PKP1: variants seen among roughly 807,000 people sequenced by gnomAD.
The protein encoded by PKP1 is plakophilin-1.
PKP1 carries 27 observed loss-of-function variants against 76.4 expected under a neutral mutation model. The ratio of observed to expected loss-of-function variants is 0.35; its 90% CI spans 0.26 to 0.49. The LOEUF is 0.49. Ranked by LOEUF, PKP1 falls within the 20% of genes least tolerant of loss-of-function variation. PKP1 has a pLI of 0.99. For synonymous variants in PKP1, 404 were observed against 384.2 expected (o/e 1.05, Z -0.60); for missense variants, 964 against 955.2 (o/e 1.01, Z -0.12).
At chr1:201,327,833 C>T (rs1052871660) in intron 12 of PKP1, among the ~76,000 whole-genome samples, 3 of 152,126 alleles carry the variant, frequency 2.0e-5, no homozygotes, top group African/African-American at 7.2e-5. Flanking sequence ...GTGAGACAGG[C>T]CACATGGCTT....
chr1:201,317,694 G>A lies in PKP1; in HGVS notation c.969G>A (p.Leu323=). ...NLVFRSTTNK[L]ETRRQNGIRE... is the part of the protein sequence containing the mutation. ...TGTTCAGGAGCACCACCAACAAGCT[G>A]GAGACCCGGAGGCAGAATGGGATCC... Residue 323 remains leucine, a synonymous_variant, in exon 5 of 14, where the codon CTG becomes CTA. Coordinates refer to ENST00000367324, the MANE Select transcript of PKP1 (RefSeq NM_001005337.3). 1 of 1,613,978 alleles carries A rather than the reference G, an allele frequency of 6.2e-7. No individual in the cohort carries two copies.
At chr1:201,302,183 T>C (rs1656250608) in intron 2 of PKP1, among the ~76,000 whole-genome samples, 1 of 152,254 alleles carries the variant, frequency 6.6e-6, no homozygotes, top group Non-Finnish European at 1.5e-5. Flanking sequence ...GACTTGATCC[T>C]TCAGTCTTTG....
intron 11 of PKP1, among the ~76,000 whole-genome samples, chr1:201,325,473 C>A (rs573487427): frequency 6.6e-6 from 1 of 152,042 alleles, no homozygotes; most frequent in Admixed American, 6.5e-5. Context: ...CTCTCTTCCC[C>A]GGACAAGGCT....
chr1:201,320,376 G>C lies in PKP1; in HGVS notation c.1342G>C (p.Asp448His), dbSNP rs772241922. ...CTGTGTAGCGGCCAGCCGCTGTGACGACAAGGTGAGTGCATCCCCTGGTGG... is the reference window on the plus strand; with the variant it reads ...CTGTGTAGCGGCCAGCCGCTGTGACCACAAGGTGAGTGCATCCCCTGGTGG... ...QNCVAASRCD[D>H]KSVENCMCVL... Residue 448 changes from aspartate (D) to histidine (H), a missense_variant, in exon 7 of 14, where the codon GAC (aspartate) becomes CAC (histidine). Transcript: ENST00000367324. 3.1e-6 allele frequency: 5 copies of C among 1,606,274 alleles called. No individual in the cohort carries two copies. In the South Asian group the frequency reaches 5.5e-5, roughly 18 times the overall value.
intron 9 of PKP1, 45 bp downstream of exon 9, chr1:201,323,234 A>G: frequency 6.3e-7 from 1 of 1,579,332 alleles, no homozygotes; most frequent in Non-Finnish European, 8.7e-7. Flanking sequence ...CCCATCCTCC[A>G]GCCACCGTCC....
chr1:201,323,114 G>A lies in PKP1; in HGVS notation c.1605G>A (p.Met535Ile). Residue 535 changes from methionine (M) to isoleucine (I), a missense_variant, in exon 9 of 14, where the codon ATG (methionine) becomes ATA (isoleucine). Met to Ile is a conservative substitution (Grantham distance 10, BLOSUM62 1). Transcript: ENST00000367324. Reference sequence around the variant, plus strand: ...CCATCCGCACCTACCTGAACCTCATGGGCAAGAGCAAGAAAGATGCTACCC... The same window carrying A: ...CCATCCGCACCTACCTGAACCTCATAGGCAAGAGCAAGAAAGATGCTACCC... ...SDAIRTYLNLMGKSKKDATLE... is the reference protein window; with the variant it reads ...SDAIRTYLNLIGKSKKDATLE... 1.2e-6 allele frequency: 2 copies of A among 1,614,170 alleles called. No individual in the cohort carries two copies. Among genetic ancestry groups the A allele is most frequent in the South Asian group, 2.2e-5 (2 of 91,084 alleles).
rs764827480 is a variant in PKP1, at chr1:201,317,766, G to A, written c.1041G>A (p.Gln347=). ...LLRRTGNAEI[Q]KQLTGLLWNL... ...GGAGAACCGGGAACGCCGAGATCCA[G>A]AAGCAGCTGACTGGTAGGACAACAC... Residue 347 remains glutamine (Q), a synonymous_variant, in exon 5 of 14, where the codon CAG becomes CAA. Coordinates refer to ENST00000367324, the MANE Select transcript of PKP1 (RefSeq NM_001005337.3). 2 of 1,613,498 alleles carry A rather than the reference G, an allele frequency of 1.2e-6. No individual in the cohort carries two copies. Among genetic ancestry groups the A allele is most frequent in the Non-Finnish European group, 1.7e-6 (2 of 1,179,838 alleles).
At chr1:201,322,927 G>A in intron 8 of PKP1, 86 bp from the exon 9 acceptor site, 9 of 1,433,932 alleles carry the variant, frequency 6.3e-6, no homozygotes, top group Non-Finnish European at 7.7e-6. Flanking sequence ...ACGACCCTGA[G>A]GCTGGGGGGA....
chr1:201,285,999 A>G (rs1655722508), intron 1 of PKP1, among the ~76,000 whole-genome samples: 1 of 152,228 alleles, frequency 6.6e-6, no homozygotes, highest in African/African-American at 2.4e-5. Flanking sequence ...TCCTTGCTGG[A>G]AGAGGCGGTT....
chr1:201,321,662 T>A lies in PKP1; in HGVS notation c.1348-316T>A, dbSNP rs1779293. Among the ~76,000 whole-genome samples the A allele has an allele frequency of 0.18, 26,693 of 152,194 alleles. 2,575 individuals are homozygous for A. The highest frequency in any genetic ancestry group is 0.23 in the East Asian group (1,187 of 5,182). ...TCCTACCACACACTAGGCCCTGTGATAAGTGCTTTCTCTGTATCATCTTCC... is the reference window on the plus strand; with the variant it reads ...TCCTACCACACACTAGGCCCTGTGAAAAGTGCTTTCTCTGTATCATCTTCC... On this transcript the variant is annotated intron_variant, in intron 7 of 13. Coordinates refer to ENST00000367324, the MANE Select transcript of PKP1 (RefSeq NM_001005337.3).
At chr1:201,291,607 C>T (rs1182291277) in intron 1 of PKP1, among the ~76,000 whole-genome samples, 1 of 152,194 alleles carries the variant, frequency 6.6e-6, no homozygotes, top group African/African-American at 2.4e-5. Flanking sequence ...CCCGGGGCTG[C>T]TTCTCATAGC....
At chr1:201,317,549 G>A (rs1656793102) in intron 4 of PKP1, 23 bp from the exon 5 acceptor site, 1 of 1,599,330 alleles carries the variant, frequency 6.3e-7, no homozygotes, top group South Asian at 1.1e-5. Flanking sequence ...TGACCAGGCA[G>A]CGTGGCAACT....
chr1:201,325,290 C>A (rs16848325), intron 11 of PKP1, among the ~76,000 whole-genome samples, 163 bp downstream of exon 11: 3 of 151,944 alleles, frequency 2.0e-5, no homozygotes, highest in Non-Finnish European at 4.4e-5. Flanking sequence ...TTCCAGAAGC[C>A]GAGAGTGCGT....
chr1:201,303,538 A>C (rs1207181774), intron 2 of PKP1, among the ~76,000 whole-genome samples: 1 of 152,254 alleles, frequency 6.6e-6, no homozygotes, highest in Non-Finnish European at 1.5e-5. Context: ...AATCAATTAT[A>C]ATAAATAGAA....
chr1:201,296,899 C>A (rs2102157699), intron 2 of PKP1, among the ~76,000 whole-genome samples: 1 of 152,348 alleles, frequency 6.6e-6, no homozygotes, highest in South Asian at 2.1e-4. Flanking sequence ...CTCCTCAGAT[C>A]TGGCTCTAGT....
chr1:201,285,134 T>C (rs563256314), intron 1 of PKP1, among the ~76,000 whole-genome samples: 4 of 152,114 alleles, frequency 2.6e-5, no homozygotes, highest in African/African-American at 9.6e-5. Context: ...CCAAGACTTA[T>C]GTATTAAGAC....
At chr1:201,323,240 C>T (rs746291293) in intron 9 of PKP1, 51 bp downstream of exon 9, 12 of 1,549,230 alleles carry the variant, frequency 7.7e-6, no homozygotes, top group Non-Finnish European at 1.1e-5. Context: ...CTCCAGCCAC[C>T]GTCCAGCCTC....
intron 1 of PKP1, among the ~76,000 whole-genome samples, chr1:201,289,409 A>C (rs1376773708): frequency 6.6e-6 from 1 of 152,226 alleles, no homozygotes; most frequent in Non-Finnish European, 1.5e-5. Flanking sequence ...ATGCTAGAAG[A>C]AGCATCGGCC....
rs1286574662 is a variant in PKP1 at position 201,317,588 on chromosome 1, G to A, written c.863G>A (p.Gly288Asp). ...SAKQQVYQLG[G>D]ICKLVDLLRS... ...TCCTGGCAGGTCTATCAGCTGGGAG[G>A]CATCTGCAAGCTGGTGGACCTCCTC... The change falls in exon 5 of 14, where the codon GGC (glycine) becomes GAC (aspartate). Residue 288 changes from glycine to aspartate, a missense_variant. Physicochemically the swap from Gly to Asp is moderately conservative, Grantham distance 94. Coordinates refer to ENST00000367324, the MANE Select transcript of PKP1 (RefSeq NM_001005337.3). The A allele has an allele frequency of 6.2e-7, 1 of 1,613,908 alleles. No homozygotes were observed. The highest frequency in any genetic ancestry group is 1.7e-5 in the Admixed American group (1 of 60,008).
Sources: allele counts gnomAD v4.1 joint callset (sites outside exome capture counted in the v4.1 genomes callset), GRCh38; gene constraint gnomAD v4.1.1; transcripts MANE v1.5; gene names NCBI Gene and HGNC (gene_info 2026-07-23, HGNC 2026-07-21).